MAN1A2: variants seen among roughly 807,000 people sequenced by gnomAD.
MAN1A2 encodes mannosyl-oligosaccharide 1,2-alpha-mannosidase IB.
MAN1A2 carries 26 observed loss-of-function variants against 75.7 expected under a neutral mutation model. The ratio of observed to expected loss-of-function variants is 0.34; its 90% CI spans 0.25 to 0.48. The LOEUF (loss-of-function observed/expected upper bound fraction) is 0.48, where lower values mean the gene tolerates loss of function less well. Among genes scored for constraint, MAN1A2 ranks in the 20% least tolerant of loss-of-function variants. The probability of loss-of-function intolerance (pLI) is 0.99; values close to 1 mark genes in which losing one functional copy is unlikely to be tolerated. For synonymous variants in MAN1A2, 247 were observed against 264.6 expected, an observed-to-expected ratio of 0.93 and a Z score of 0.65; for missense variants, 562 against 775.5, an observed-to-expected ratio of 0.72 and a Z score of 3.27.
At position 117,402,235 on chromosome 1, in the gene MAN1A2, G is replaced by A. The variant is rs1647458114; in HGVS notation, c.352G>A (p.Ala118Thr). The change falls in exon 2 of 13, where the codon GCC becomes ACC. Residue 118 changes from alanine to threonine, a missense_variant. This residue lies in a region of MAN1A2 where 434 missense variants were observed against 645.7 expected (regional missense o/e 0.67). Coordinates refer to ENST00000356554, the MANE Select transcript of MAN1A2 (RefSeq NM_006699.5). ...RNKIRADHEK[A>T]LEEAKEKLRK... ...TAAAATTCGAGCTGATCATGAGAAG[G>A]CCTTGGAAGAAGCAAAAGAAAAATT... The A allele has an allele frequency of 6.2e-7, 1 of 1,613,542 alleles. No individual in the cohort carries two copies. Among genetic ancestry groups the A allele is most frequent in the Admixed American group, 1.7e-5 (1 of 59,968 alleles).
intron 1 of MAN1A2, among the ~76,000 whole-genome samples, chr1:117,375,438 G>A (rs1428745700): frequency 3.3e-5 from 5 of 152,074 alleles, no homozygotes; most frequent in African/African-American, 4.8e-5. Flanking sequence ...TTTAAAAAAA[G>A]AGGAAATTAA....
intron 9 of MAN1A2, 136 bp downstream of exon 9, chr1:117,493,398 C>A: frequency 1.9e-6 from 1 of 530,890 alleles, no homozygotes; most frequent in Non-Finnish European, 3.3e-6. Context: ...TATATGCATT[C>A]ACTGTAGAGT....
At chr1:117,451,875 C>G (rs1336184060) in intron 6 of MAN1A2, among the ~76,000 whole-genome samples, 1 of 152,150 alleles carries the variant, frequency 6.6e-6, no homozygotes, top group Non-Finnish European at 1.5e-5. Context: ...GTAGCCCCAG[C>G]TACTTGGGAA....
intron 6 of MAN1A2, among the ~76,000 whole-genome samples, chr1:117,454,045 A>C (rs1649501831): frequency 3.9e-5 from 6 of 152,200 alleles, no homozygotes. Context: ...AGTATTTTTC[A>C]AATTAAGATA....
chr1:117,455,526 A>T (rs1649550727), intron 6 of MAN1A2, among the ~76,000 whole-genome samples: 1 of 152,148 alleles, frequency 6.6e-6, no homozygotes, highest in African/African-American at 2.4e-5. Context: ...AATAAACCAG[A>T]TCCTACACTT....
At chr1:117,522,081 A>C (rs1309009677) in intron 12 of MAN1A2, among the ~76,000 whole-genome samples, 1 of 151,786 alleles carries the variant, frequency 6.6e-6, no homozygotes, top group South Asian at 2.1e-4. Flanking sequence ...ATGAGGCAGT[A>C]TGTACTGCTT....
At chr1:117,421,216 G>C (rs1648177068) in intron 5 of MAN1A2, among the ~76,000 whole-genome samples, 2 of 152,020 alleles carry the variant, frequency 1.3e-5, no homozygotes, top group Admixed American at 1.3e-4. Flanking sequence ...TGAAGAGTGG[G>C]AGAAAGAGAA....
chr1:117,451,630 TA>T (rs1012300258), intron 6 of MAN1A2, among the ~76,000 whole-genome samples: 1 of 152,212 alleles, frequency 6.6e-6, no homozygotes, highest in African/African-American at 2.4e-5. Flanking sequence ...TGATAGTGAA[TA>T]AGTCTCACGA....
chr1:117,367,562 C>T lies in MAN1A2; in HGVS notation c.-622C>T, dbSNP rs985952584. The T allele has an allele frequency of 2.6e-5, 4 of 152,352 alleles. No homozygotes were observed. The highest frequency in any genetic ancestry group is 5.9e-5 in the Non-Finnish European group (4 of 68,170). The allele number at this position is 152,352 out of a possible 1,614,324, so 9.4% of individuals were successfully genotyped here. ...CGAGTGGGCAGCAGCGGGACTCAGC[C>T]GGGCGCCAGGTTCCTGCCAGGCAGC... is the stretch of plus-strand genomic sequence containing the variant. On this transcript the variant is annotated 5_prime_UTR_variant, in exon 1 of 13. Transcript: ENST00000356554.
intron 1 of MAN1A2, among the ~76,000 whole-genome samples, chr1:117,398,846 G>A (rs184665700): frequency 4.8e-4 from 73 of 152,242 alleles, no homozygotes; most frequent in Non-Finnish European, 6.0e-4. Context: ...AGTGTTTTAA[G>A]TGAGAGTGAG....
intron 10 of MAN1A2, among the ~76,000 whole-genome samples, chr1:117,499,051 A>G (rs1192679701): frequency 6.6e-6 from 1 of 151,924 alleles, no homozygotes; most frequent in Non-Finnish European, 1.5e-5. Flanking sequence ...TTAGACCACA[A>G]TGGACTGTAT....
intron 12 of MAN1A2, among the ~76,000 whole-genome samples, chr1:117,512,047 GT>G (rs1246594973): frequency 6.6e-6 from 1 of 152,088 alleles, no homozygotes; most frequent in East Asian, 1.9e-4. Flanking sequence ...TATAATAAGA[GT>G]AGGAGGGGGA....
chr1:117,489,868 G>T (rs375886686), intron 8 of MAN1A2, among the ~76,000 whole-genome samples: 2 of 151,222 alleles, frequency 1.3e-5, no homozygotes, highest in Non-Finnish European at 2.9e-5. Flanking sequence ...TGAATAATCT[G>T]TCTTTTCCTC....
chr1:117,415,495 C>T (rs1418277748), intron 4 of MAN1A2, among the ~76,000 whole-genome samples: 1 of 152,088 alleles, frequency 6.6e-6, no homozygotes, highest in Non-Finnish European at 1.5e-5. Flanking sequence ...TATTTCTTCT[C>T]TGATGCCATT....
intron 8 of MAN1A2, among the ~76,000 whole-genome samples, chr1:117,471,748 T>C (rs1650167850): frequency 6.6e-6 from 1 of 151,952 alleles, no homozygotes; most frequent in Admixed American, 6.6e-5. Context: ...TTTGTTTTAA[T>C]ATGATTTGTT....
At chr1:117,467,416 T>C (rs1274389588) in intron 8 of MAN1A2, among the ~76,000 whole-genome samples, 1 of 152,144 alleles carries the variant, frequency 6.6e-6, no homozygotes, top group African/African-American at 2.4e-5. Flanking sequence ...GAATTGTCTT[T>C]TTGTTCCTTT....
intron 2 of MAN1A2, among the ~76,000 whole-genome samples, chr1:117,404,983 C>T (rs1197134300): frequency 6.6e-6 from 1 of 152,084 alleles, no homozygotes; most frequent in African/African-American, 2.4e-5. Flanking sequence ...GGAGGTGGAG[C>T]TTGCAGTGAG....
At chr1:117,478,062 G>A (rs1021614768) in intron 8 of MAN1A2, among the ~76,000 whole-genome samples, 16 of 151,946 alleles carry the variant, frequency 1.1e-4, no homozygotes, top group African/African-American at 3.9e-4. Context: ...AAATACCTAG[G>A]AATCCAACTT....
chr1:117,448,705 G>A (rs1388564873), intron 6 of MAN1A2, among the ~76,000 whole-genome samples: 1 of 152,118 alleles, frequency 6.6e-6, no homozygotes, highest in African/African-American at 2.4e-5. Context: ...ATGGAGAGAA[G>A]CATATCCAGT....
Sources: gnomAD v4.1 joint callset for allele counts (sites outside exome capture counted in the v4.1 genomes callset) on GRCh38, gnomAD v4.1.1 for gene constraint, gnomAD v4.1.1 regional missense constraint, MANE v1.5 for transcripts, NCBI Gene and HGNC (gene_info 2026-07-23, HGNC 2026-07-21) for gene names.